The following KATNIP variants were observed in gnomAD, a reference collection of about 807,000 sequenced individuals.
The protein encoded by KATNIP is katanin-interacting protein.
KATNIP carries 126 observed loss-of-function variants against 174.0 expected under a neutral mutation model. The ratio of observed to expected loss-of-function variants is 0.72; its 90% CI spans 0.63 to 0.84. The LOEUF is 0.84. Among genes scored for constraint, KATNIP ranks in the 40% least tolerant of loss-of-function variants. KATNIP has a pLI of 0.00. For synonymous variants in KATNIP, 810 were observed against 835.7 expected (o/e 0.97, Z 0.53); for missense variants, 1,958 against 2,109.7 (o/e 0.93, Z 1.41).
chr16:27,647,324 A>T (rs967111654), intron 5 of KATNIP, among the ~76,000 whole-genome samples: 112 of 152,098 alleles, frequency 7.4e-4, no homozygotes, highest in African/African-American at 2.5e-3. Context: ...TTCCCAAACA[A>T]GTCTAATCAC....
At chr16:27,604,573 G>C (rs182703652) in intron 2 of KATNIP, among the ~76,000 whole-genome samples, 1 of 152,330 alleles carries the variant, frequency 6.6e-6, no homozygotes, top group Non-Finnish European at 1.5e-5. Flanking sequence ...CCTTTCGCTA[G>C]AATGTGAACT....
chr16:27,745,502 A>G (rs370482392), intron 15 of KATNIP, among the ~76,000 whole-genome samples: 3 of 152,228 alleles, frequency 2.0e-5, no homozygotes, highest in South Asian at 2.1e-4. Flanking sequence ...GGAGAAGCCA[A>G]TTGGTCTACT....
intron 13 of KATNIP, among the ~76,000 whole-genome samples, chr16:27,709,879 T>C (rs1306148395): frequency 6.6e-6 from 1 of 152,178 alleles, no homozygotes; most frequent in Non-Finnish European, 1.5e-5. Context: ...GGATGTTCTT[T>C]GTAGTTGAAG....
At chr16:27,586,712 C>G (rs1351972233) in intron 2 of KATNIP, among the ~76,000 whole-genome samples, 1 of 151,714 alleles carries the variant, frequency 6.6e-6, no homozygotes, top group Non-Finnish European at 1.5e-5. Flanking sequence ...GCCTGTAGTC[C>G]CAGCTACTTG....
At position 27,708,716 on chromosome 16, in the gene KATNIP, A is replaced by AG. The variant is rs1490506797; in HGVS notation, c.1401_1402insG (p.Met468AspfsTer35). 5.6e-6 allele frequency: 9 copies of AG among 1,612,202 alleles called. No homozygotes were observed. Among genetic ancestry groups the AG allele is most frequent in the Non-Finnish European group, 7.6e-6 (9 of 1,178,690 alleles). On this transcript the variant is annotated frameshift_variant, in exon 13 of 28. Coordinates refer to ENST00000261588, the MANE Select transcript of KATNIP (RefSeq NM_015202.5). LOFTEE classifies it high-confidence loss of function. The stretch of plus-strand genomic sequence containing the variant: ...TTCTCTTCTTTAAGGACAAACAGAG[A>AG]ATGAGGGCAGACGAGATCAAAGATG...
chr16:27,701,036 G>C (rs2079079865), intron 10 of KATNIP, among the ~76,000 whole-genome samples: 1 of 152,144 alleles, frequency 6.6e-6, no homozygotes, highest in Non-Finnish European at 1.5e-5. Flanking sequence ...GAAAAAGAAG[G>C]GGAAAAGGCT....
chr16:27,576,306 GAAACA>G (rs1259030856), intron 2 of KATNIP, among the ~76,000 whole-genome samples: 1 of 152,120 alleles, frequency 6.6e-6, no homozygotes, highest in Admixed American at 6.5e-5. Context: ...CTTGTAGTGA[GAAACA>G]GAGAGTGAAG....
At chr16:27,645,372 A>G (rs1567246111) in intron 5 of KATNIP, among the ~76,000 whole-genome samples, 1 of 152,204 alleles carries the variant, frequency 6.6e-6, no homozygotes, top group Non-Finnish European at 1.5e-5. Context: ...GACTTGCTCA[A>G]GGTCACACAA....
intron 6 of KATNIP, among the ~76,000 whole-genome samples, chr16:27,663,458 T>C (rs1215946503): frequency 6.6e-6 from 1 of 151,864 alleles, no homozygotes; most frequent in Non-Finnish European, 1.5e-5. Context: ...ATTTATTTAT[T>C]TTGAGACAGA....
At chr16:27,586,665 C>G (rs1197839894) in intron 2 of KATNIP, among the ~76,000 whole-genome samples, 2 of 151,706 alleles carry the variant, frequency 1.3e-5, no homozygotes, top group African/African-American at 4.8e-5. Flanking sequence ...CCCGTATCTA[C>G]TAAAAATACA....
intron 14 of KATNIP, among the ~76,000 whole-genome samples, chr16:27,738,571 G>A (rs1471557478): frequency 6.6e-6 from 1 of 152,172 alleles, no homozygotes; most frequent in African/African-American, 2.4e-5. Context: ...GGGGCATTTA[G>A]GCTGGCAGTG....
At chr16:27,618,575 C>A in intron 3 of KATNIP, 74 bp downstream of exon 3, 1 of 1,060,078 alleles carries the variant, frequency 9.4e-7, no homozygotes, top group Non-Finnish European at 1.5e-6. Context: ...TAACAGCAGG[C>A]AGGCCCTGCC....
chr16:27,671,663 CT>C (rs2077908996), intron 6 of KATNIP, among the ~76,000 whole-genome samples: 2 of 152,218 alleles, frequency 1.3e-5, no homozygotes, highest in Admixed American at 1.3e-4. Context: ...CCACCTTCCT[CT>C]TTCACCTGCA....
intron 14 of KATNIP, among the ~76,000 whole-genome samples, chr16:27,736,923 C>T (rs1453506696): frequency 6.6e-6 from 1 of 151,882 alleles, no homozygotes; most frequent in Non-Finnish European, 1.5e-5. Context: ...AGCTCCAGGG[C>T]GTGTTCTGGA....
intron 5 of KATNIP, among the ~76,000 whole-genome samples, chr16:27,638,549 TC>T (rs939571385): frequency 5.9e-5 from 9 of 152,054 alleles, no homozygotes; most frequent in Non-Finnish European, 1.0e-4. Context: ...GGCAGCCAAG[TC>T]CCCAGTGGCC....
At chr16:27,563,433 G>C (rs193240878) in intron 1 of KATNIP, among the ~76,000 whole-genome samples, 2 of 152,248 alleles carry the variant, frequency 1.3e-5, no homozygotes, top group Admixed American at 1.3e-4. Flanking sequence ...TGGGTGTATC[G>C]CTTGAGCCTG....
rs1187557723 is a variant in KATNIP at position 27,752,780 on chromosome 16, C to T, written c.3552+856C>T. On this transcript the variant is annotated intron_variant, in intron 17 of 27. Coordinates refer to ENST00000261588, the MANE Select transcript of KATNIP (RefSeq NM_015202.5). ...TGTTGCCCAGGTTGGTCATGAACTC[C>T]TGGACTCAAGCGCTTCTCCCACCTT... is the stretch of plus-strand genomic sequence containing the variant. Among the ~76,000 whole-genome samples, 2 of 152,110 alleles carry T rather than the reference C, an allele frequency of 1.3e-5. 1 individual carries two copies. Among genetic ancestry groups the T allele is most frequent in the Non-Finnish European group, 2.9e-5 (2 of 68,026 alleles).
intron 6 of KATNIP, among the ~76,000 whole-genome samples, chr16:27,667,209 T>C (rs1185994407): frequency 6.6e-6 from 1 of 151,474 alleles, no homozygotes; most frequent in Admixed American, 6.6e-5. Flanking sequence ...TAGTCCCAGC[T>C]AACCAAAAAG....
intron 4 of KATNIP, among the ~76,000 whole-genome samples, chr16:27,629,116 C>T (rs1384856562): frequency 1.3e-5 from 2 of 148,588 alleles, no homozygotes; most frequent in African/African-American, 5.0e-5. Context: ...TGCAGTGAGC[C>T]GAAATCGCAC....
Sources: gnomAD v4.1 joint callset for allele counts (sites outside exome capture counted in the v4.1 genomes callset) on GRCh38, gnomAD v4.1.1 for gene constraint, MANE v1.5 for transcripts, NCBI Gene and HGNC (gene_info 2026-07-23, HGNC 2026-07-21) for gene names.